Variants in HADHB observed in about 807,000 individuals in gnomAD.
HADHB encodes hydroxyacyl-CoA dehydrogenase trifunctional multienzyme complex subunit beta.
Under a neutral mutation model 61.9 loss-of-function variants are expected in HADHB, and 50 were observed. The observed-to-expected ratio is 0.81, with a 90% CI of 0.64 to 1.02. The LOEUF is 1.02. HADHB is among the 50% of genes least tolerant of loss of function. HADHB has a pLI of 0.00. For synonymous variants in HADHB, 191 were observed against 201.6 expected (o/e 0.95, Z 0.45); for missense variants, 504 against 586.5 (o/e 0.86, Z 1.45).
rs192854755 is a variant in HADHB, at chr2:26,285,575, C to T, written c.1389+4C>T. 9.3e-5 allele frequency: 150 copies of T among 1,609,892 alleles called. 1 individual carries two copies. In the Admixed American group the frequency reaches 2.2e-3, roughly 24 times the overall value. Reference sequence around the variant, plus strand: ...TGCGTGTGCAGCTGGAGGGCAGGTACGTTACAGTGGTGTCATAGGACCCTC... The same window carrying T: ...TGCGTGTGCAGCTGGAGGGCAGGTATGTTACAGTGGTGTCATAGGACCCTC... On this transcript the variant is annotated splice_donor_region_variant and intron_variant, in intron 15 of 15. Coordinates refer to ENST00000317799, the MANE Select transcript of HADHB (RefSeq NM_000183.3).
rs1673212075 is a variant in HADHB at position 26,290,171 on chromosome 2, T to G, written c.*218T>G. On this transcript the variant is annotated 3_prime_UTR_variant, in exon 16 of 16. Transcript: ENST00000317799. The stretch of plus-strand genomic sequence containing the variant: ...TTCAGGGATTTCTAAGCCACCAGAA[T>G]CTCACATGAGATGTGTGGGTGGTTG... 1.7e-6 allele frequency: 1 copy of G among 592,622 alleles called. No homozygotes were observed. The highest frequency in any genetic ancestry group is 1.8e-5 in the African/African-American group (1 of 54,094). The allele number at this position is 592,622 out of a possible 1,614,324, so 36.7% of individuals were successfully genotyped here.
At chr2:26,250,622 C>A (rs4665845) in intron 1 of HADHB, among the ~76,000 whole-genome samples, 1 of 149,604 alleles carries the variant, frequency 6.7e-6, no homozygotes, top group Non-Finnish European at 1.5e-5. Context: ...TTACTTGAGG[C>A]TAGGAGTTTG....
At chr2:26,250,990 A>C (rs917286994) in intron 1 of HADHB, among the ~76,000 whole-genome samples, 9 of 150,926 alleles carry the variant, frequency 6.0e-5, no homozygotes, top group African/African-American at 2.2e-4. Flanking sequence ...ATTTTTTCCA[A>C]ATGTTTAGCC....
rs1402794447 is a variant in HADHB at position 26,285,926 on chromosome 2, CAG to C, written c.1389+358_1389+359del. Among the ~76,000 whole-genome samples the C allele has an allele frequency of 7.3e-5, 11 of 151,434 alleles. No individual in the cohort carries two copies. The East Asian group carries it at 9.6e-4, about 13-fold the overall frequency. ...TTAATTTTTGTATTTTTAGTAGAGA[CAG>C]AGTTTCGCCATGTTGGCCAGGCTAG... On this transcript the variant is annotated intron_variant, in intron 15 of 15. Transcript: ENST00000317799.
intron 3 of HADHB, among the ~76,000 whole-genome samples, chr2:26,258,021 A>G (rs1275922782): frequency 6.6e-6 from 1 of 152,082 alleles, no homozygotes; most frequent in African/African-American, 2.4e-5. Flanking sequence ...CTGTCTCAAA[A>G]AAAAAAAGAT....
At chr2:26,251,141 T>C (rs552014296) in intron 1 of HADHB, among the ~76,000 whole-genome samples, 46 of 151,066 alleles carry the variant, frequency 3.0e-4, no homozygotes, top group Non-Finnish European at 5.9e-4. Flanking sequence ...CGTTTATTCC[T>C]GTGCTAAAGC....
chr2:26,284,009 G>T (rs750591058), intron 12 of HADHB, 108 bp from the exon 13 acceptor site: 2 of 704,400 alleles, frequency 2.8e-6, no homozygotes, highest in Non-Finnish European at 5.1e-6. Flanking sequence ...ATCAAAGAAT[G>T]AGTGAAAAGA....
chr2:26,267,856 A>G (rs1672161117), intron 4 of HADHB, among the ~76,000 whole-genome samples: 1 of 151,716 alleles, frequency 6.6e-6, no homozygotes, highest in African/African-American at 2.4e-5. Flanking sequence ...TAAATATAGG[A>G]GGACTGTGTA....
At chr2:26,248,512 G>A (rs778759751) in intron 1 of HADHB, among the ~76,000 whole-genome samples, 2 of 151,944 alleles carry the variant, frequency 1.3e-5, no homozygotes, top group Non-Finnish European at 2.9e-5. Context: ...CATACATTTT[G>A]AATATTTCTA....
chr2:26,263,567 A>G (rs2147810082), intron 4 of HADHB, 88 bp downstream of exon 4: 1 of 833,396 alleles, frequency 1.2e-6, no homozygotes, highest in East Asian at 2.5e-5. Context: ...GTAGGTAATA[A>G]TATTGTTAGT....
At chr2:26,247,087 A>G (rs1671197699) in intron 1 of HADHB, among the ~76,000 whole-genome samples, 1 of 152,198 alleles carries the variant, frequency 6.6e-6, no homozygotes, top group Admixed American at 6.5e-5. Context: ...CAAAGTTGTA[A>G]TAATGAGCTG....
rs532241433 is a variant in HADHB at position 26,277,283 on chromosome 2, G to A, written c.442+123G>A. 4.4e-4 allele frequency: 260 copies of A among 595,852 alleles called. 2 individuals are homozygous for A. The Middle Eastern group carries it at 4.4e-3, about 10-fold the overall frequency. The allele number at this position is 595,852 out of a possible 1,614,324, so 36.9% of individuals were successfully genotyped here. ...CACAGAACCTCACTCTGTCACTCAG[G>A]CTGGAGTGCAGTGGTACCATCATAG... On this transcript the variant is annotated intron_variant, in intron 7 of 15. Transcript: ENST00000317799.
At chr2:26,263,116 A>G (rs1444928485) in intron 3 of HADHB, among the ~76,000 whole-genome samples, 1 of 152,108 alleles carries the variant, frequency 6.6e-6, no homozygotes, top group Admixed American at 6.6e-5. Context: ...TCTGGCCAAC[A>G]TGGTGAAACC....
intron 6 of HADHB, among the ~76,000 whole-genome samples, chr2:26,275,370 T>C (rs1672499727): frequency 6.6e-6 from 1 of 152,184 alleles, no homozygotes; most frequent in Non-Finnish European, 1.5e-5. Flanking sequence ...AGGTTCAGCA[T>C]ATTTCCCTGT....
In HADHB at chr2:26,285,301, C is replaced by T. The variant is rs1385758956; in HGVS notation, c.1225-106C>T. The T allele has an allele frequency of 5.1e-5, 47 of 920,404 alleles. No homozygotes were observed. In the East Asian group the frequency reaches 7.0e-4, roughly 14 times the overall value. The allele number at this position is 920,404 out of a possible 1,614,324, so 57.0% of individuals were successfully genotyped here. On this transcript the variant is annotated intron_variant, in intron 14 of 15. Transcript: ENST00000317799. Reference sequence around the variant, plus strand: ...GTAAAATTATTTGTAATATGTCTGACGTTACGTATTTTCCTCTATCTCTCT... The same window carrying T: ...GTAAAATTATTTGTAATATGTCTGATGTTACGTATTTTCCTCTATCTCTCT...
At chr2:26,247,623 A>G (rs1329761873) in intron 1 of HADHB, among the ~76,000 whole-genome samples, 1 of 152,246 alleles carries the variant, frequency 6.6e-6, no homozygotes, top group African/African-American at 2.4e-5. Flanking sequence ...GTCTGAGTGA[A>G]AATGTAGTTA....
At chr2:26,256,564 A>G (rs1454770179) in intron 3 of HADHB, among the ~76,000 whole-genome samples, 1 of 151,980 alleles carries the variant, frequency 6.6e-6, no homozygotes, top group Non-Finnish European at 1.5e-5. Flanking sequence ...CACGTGTATA[A>G]TAGTTGTATA....
chr2:26,269,713 A>T (rs1179272297), intron 4 of HADHB, among the ~76,000 whole-genome samples: 1 of 152,242 alleles, frequency 6.6e-6, no homozygotes, highest in African/African-American at 2.4e-5. Context: ...GGTGTTGGAC[A>T]ACATTTTTGT....
intron 10 of HADHB, among the ~76,000 whole-genome samples, chr2:26,281,342 G>A (rs1388684762): frequency 6.6e-6 from 1 of 152,056 alleles, no homozygotes; most frequent in Non-Finnish European, 1.5e-5. Flanking sequence ...GAAAACATAC[G>A]CAGATGTTTG....
Sources: allele counts gnomAD v4.1 joint callset (sites outside exome capture counted in the v4.1 genomes callset), GRCh38; gene constraint gnomAD v4.1.1; transcripts MANE v1.5; gene names NCBI Gene and HGNC (gene_info 2026-07-23, HGNC 2026-07-21).